JPH2: variants seen among roughly 807,000 people sequenced by gnomAD.
The protein encoded by JPH2 is junctophilin-2.
JPH2 carries 38 observed loss-of-function variants against 55.9 expected under a neutral mutation model. The observed-to-expected ratio is 0.68, with a 90% CI of 0.52 to 0.89. The LOEUF is 0.89. Ranked by LOEUF, JPH2 falls within the 40% of genes least tolerant of loss-of-function variation. JPH2 has a pLI of 0.00. For missense variants in JPH2, 964 were observed against 1,037.6 expected, an observed-to-expected ratio of 0.93 and a Z score of 0.97; for synonymous variants, 480 against 472.4, an observed-to-expected ratio of 1.02 and a Z score of -0.21.
chr20:44,161,687 T>A (rs1320767740), intron 1 of JPH2, among the ~76,000 whole-genome samples: 1 of 152,034 alleles, frequency 6.6e-6, no homozygotes, highest in African/African-American at 2.4e-5. Context: ...TGTGCTCACG[T>A]GTGAGGTCAC....
chr20:44,116,036 C>A lies in JPH2; in HGVS notation c.1639G>T (p.Ala547Ser). Residue 547 changes from alanine to serine, a missense_variant, in exon 4 of 6, where the codon GCT becomes TCT. Transcript: ENST00000372980. The stretch of plus-strand genomic sequence containing the variant: ...GACGGCGCAGGCGGTGCCTGCAGAG[C>A]CTCGATGGCCATGCGCTCGGTGGCT... ...RPATERMAIE[A>S]LQAPPAPSRE... 1 of 1,574,394 alleles carries A rather than the reference C, an allele frequency of 6.4e-7. No homozygotes were observed. Among genetic ancestry groups the A allele is most frequent in the Non-Finnish European group, 8.6e-7 (1 of 1,169,056 alleles).
rs753733872 is a variant in JPH2, at chr20:44,156,035, CA to C, written c.1169+3582del. On this transcript the variant is annotated intron_variant, in intron 2 of 5. Coordinates refer to ENST00000372980, the MANE Select transcript of JPH2 (RefSeq NM_020433.5). ...TGGGCAACACAGTGAGACCCTGCCT[CA>C]AAAAAAAAAAAAACTGTCAAGGACA... Among the ~76,000 whole-genome samples, 437 of 124,236 alleles carry C rather than the reference CA, an allele frequency of 3.5e-3. 9 individuals carry two copies. The South Asian group carries it at 0.051, about 15-fold the overall frequency. 81.5% of individuals were successfully genotyped at this position (124,236 alleles called of 152,430 possible). A position where few individuals can be genotyped will look rare whatever the true frequency, so the allele number is the denominator to read the frequency against.
chr20:44,186,196 A>T, intron 1 of JPH2, 131 bp downstream of exon 1: 13 of 1,065,598 alleles, frequency 1.2e-5, no homozygotes, highest in Non-Finnish European at 1.8e-5. Context: ...GCTTGCCCAA[A>T]ACCACACAGC....
At chr20:44,164,453 A>G (rs902119643) in intron 1 of JPH2, among the ~76,000 whole-genome samples, 6 of 152,232 alleles carry the variant, frequency 3.9e-5, no homozygotes, top group Non-Finnish European at 8.8e-5. Flanking sequence ...ACAACAAAAA[A>G]TGGAAACAAT....
At chr20:44,126,715 AAT>A (rs1175767543) in intron 2 of JPH2, among the ~76,000 whole-genome samples, 1 of 152,226 alleles carries the variant, frequency 6.6e-6, no homozygotes, top group Non-Finnish European at 1.5e-5. Flanking sequence ...TCATTCGGCA[AAT>A]GTGTGCTGAG....
chr20:44,117,210 C>T (rs1161494724), intron 3 of JPH2, among the ~76,000 whole-genome samples: 2 of 152,168 alleles, frequency 1.3e-5, no homozygotes, highest in South Asian at 2.1e-4. Context: ...ACCAGGGAGT[C>T]GGAAGTTGCA....
In JPH2 at chr20:44,118,594, G is replaced by A. The variant is rs745527956; in HGVS notation, c.1199C>T (p.Ala400Val). Residue 400 changes from alanine (A) to valine (V), a missense_variant, in exon 3 of 6, where the codon GCA (alanine) becomes GTA (valine). Coordinates refer to ENST00000372980, the MANE Select transcript of JPH2 (RefSeq NM_020433.5). ...RTSHAKAKAE[A>V]AEQAALAANQ... is the part of the protein sequence containing the mutation. ...GGCAGCCAGGGCGGCCTGTTCCGCT[G>A]CCTCAGCTTTGGCCTTGGCGTGGCT... 2.5e-6 allele frequency: 4 copies of A among 1,612,042 alleles called. No homozygotes were observed. Among genetic ancestry groups the A allele is most frequent in the Middle Eastern group, 1.7e-4 (1 of 6,060 alleles).
At chr20:44,123,176 T>G (rs1354406208) in intron 2 of JPH2, among the ~76,000 whole-genome samples, 1 of 152,168 alleles carries the variant, frequency 6.6e-6, no homozygotes, top group Admixed American at 6.5e-5. Context: ...CCCGGCCCGC[T>G]GCATCCTATC....
At chr20:44,132,399 C>CACACACACACAGAG (rs71195518) in intron 2 of JPH2, among the ~76,000 whole-genome samples, 1 of 130,446 alleles carries the variant, frequency 7.7e-6, no homozygotes, top group African/African-American at 3.1e-5. Flanking sequence ...CACACACACA[C>CACACACACACAGAG]ACATTTGGGC....
At chr20:44,163,211 G>A (rs924941344) in intron 1 of JPH2, among the ~76,000 whole-genome samples, 1 of 152,130 alleles carries the variant, frequency 6.6e-6, no homozygotes, top group Admixed American at 6.5e-5. Context: ...GAGGTGCTCC[G>A]TTAATATCTG....
intron 1 of JPH2, among the ~76,000 whole-genome samples, chr20:44,169,639 T>A (rs1447484474): frequency 6.6e-6 from 1 of 152,172 alleles, no homozygotes; most frequent in Non-Finnish European, 1.5e-5. Flanking sequence ...ATCTGGCCAG[T>A]GACACCTTCC....
intron 2 of JPH2, among the ~76,000 whole-genome samples, chr20:44,119,797 C>T (rs1463333929): frequency 6.6e-6 from 1 of 150,604 alleles, no homozygotes; most frequent in Non-Finnish European, 1.5e-5. Context: ...TGGCATGAAC[C>T]CAGGAGGCGG....
chr20:44,185,636 G>GAAA (rs35246323), intron 1 of JPH2, among the ~76,000 whole-genome samples: 1 of 142,322 alleles, frequency 7.0e-6, no homozygotes, highest in South Asian at 2.2e-4. Flanking sequence ...ACTTGTCTTG[G>GAAA]AAAAAAAAAA....
intron 2 of JPH2, 49 bp from the exon 3 acceptor site, chr20:44,118,672 C>T: frequency 7.2e-7 from 1 of 1,392,598 alleles, no homozygotes; most frequent in East Asian, 2.3e-5. Context: ...AGAGAACCAG[C>T]CTTCTGCCCC....
intron 1 of JPH2, among the ~76,000 whole-genome samples, chr20:44,175,095 G>A (rs1014547083): frequency 2.6e-5 from 4 of 151,992 alleles, no homozygotes; most frequent in Admixed American, 6.5e-5. Context: ...ACCTTTGTCC[G>A]GTCTCCCCAG....
chr20:44,156,265 G>A (rs1197471477), intron 2 of JPH2, among the ~76,000 whole-genome samples: 1 of 152,196 alleles, frequency 6.6e-6, no homozygotes, highest in African/African-American at 2.4e-5. Flanking sequence ...TTATGATAAC[G>A]TAAGAAGTTA....
intron 1 of JPH2, among the ~76,000 whole-genome samples, chr20:44,164,671 AAAAC>A (rs34787127): frequency 0.14 from 20,431 of 149,388 alleles, 1,463 homozygotes; most frequent in East Asian, 0.23. Context: ...AAAGCCTCAA[AAAAC>A]AAACAAACAA....
rs1569195152 is a variant in JPH2 at position 44,134,675 on chromosome 20, T to TATTTA, written c.1170-16053_1170-16052insTAAAT. On this transcript the variant is annotated intron_variant, in intron 2 of 5. Transcript: ENST00000372980. ...TATTATAAATATATATAAATATATA[T>TATTTA]TTATAAATATTATAAATATATATAC... 1.5e-3 allele frequency among the ~76,000 whole-genome samples: 40 copies of TATTTA among 26,594 alleles called. 3 individuals carry two copies. Among genetic ancestry groups the TATTTA allele is most frequent in the African/African-American group, 5.1e-3 (30 of 5,902 alleles). 17.4% of individuals were successfully genotyped at this position (26,594 alleles called of 152,430 possible).
Position 44,111,752 on chromosome 20 carries a change from C to A in JPH2, c.*1766G>T, listed in dbSNP as rs1182432747. The A allele has an allele frequency of 6.6e-6, 1 of 152,306 alleles. No homozygotes were observed. The highest frequency in any genetic ancestry group is 1.5e-5 in the Non-Finnish European group (1 of 68,208). 9.4% of individuals were successfully genotyped at this position (152,306 alleles called of 1,614,324 possible). A position where few individuals can be genotyped will look rare whatever the true frequency, so the allele number is the denominator to read the frequency against. Reference sequence around the variant, plus strand: ...AGACTGCAGCATCCTGAACCCCAAACCCAACCCCAAACACCAGCCCCCAAA... The same window carrying A: ...AGACTGCAGCATCCTGAACCCCAAAACCAACCCCAAACACCAGCCCCCAAA... On this transcript the variant is annotated 3_prime_UTR_variant, in exon 6 of 6. Coordinates refer to ENST00000372980, the MANE Select transcript of JPH2 (RefSeq NM_020433.5).
Sources: allele counts gnomAD v4.1 joint callset (sites outside exome capture counted in the v4.1 genomes callset), GRCh38; gene constraint gnomAD v4.1.1; transcripts MANE v1.5; gene names NCBI Gene and HGNC (gene_info 2026-07-23, HGNC 2026-07-21).